MAGI1: variants seen among roughly 807,000 people sequenced by gnomAD.
The protein encoded by MAGI1 is membrane-associated guanylate kinase, WW and PDZ domain-containing protein 1.
MAGI1 carries 58 observed loss-of-function variants against 139.9 expected under a neutral mutation model. The observed-to-expected ratio is 0.41, with a 90% confidence interval of 0.34 to 0.52. MAGI1 has a LOEUF of 0.52. Among genes scored for constraint, MAGI1 ranks in the 20% least tolerant of loss-of-function variants. The pLI, the probability that MAGI1 is intolerant of heterozygous loss-of-function variation, is 0.12. For synonymous variants in MAGI1, 812 were observed against 737.9 expected (o/e 1.10, Z -1.63); for missense variants, 1,874 against 1,901.6 (o/e 0.99, Z 0.27).
chr3:65,975,478 G>A (rs1468767657), intron 1 of MAGI1, among the ~76,000 whole-genome samples: 3 of 151,898 alleles, frequency 2.0e-5, no homozygotes, highest in Admixed American at 1.3e-4. Context: ...TTTTTAGGCC[G>A]GGCACAGTGG....
chr3:65,425,136 AAAAAAAC>A, intron 12 of MAGI1, among the ~76,000 whole-genome samples: 1 of 74,438 alleles, frequency 1.3e-5, no homozygotes, highest in Non-Finnish European at 2.6e-5. Context: ...AAAAAAACAA[AAAAAAAC>A]ACACATGCCT....
chr3:65,436,016 T>C (rs1298793498), intron 10 of MAGI1, among the ~76,000 whole-genome samples: 5 of 152,194 alleles, frequency 3.3e-5, no homozygotes, highest in African/African-American at 1.2e-4. Context: ...TCCACAGTCA[T>C]GTTGATACTA....
chr3:66,009,463 C>G (rs1344138874), intron 1 of MAGI1, among the ~76,000 whole-genome samples: 2 of 152,050 alleles, frequency 1.3e-5, no homozygotes, highest in Non-Finnish European at 2.9e-5. Context: ...TGAGCCAAGA[C>G]CATGCCACTG....
chr3:65,458,051 C>T (rs373675498), intron 5 of MAGI1, among the ~76,000 whole-genome samples: 13 of 152,214 alleles, frequency 8.5e-5, no homozygotes, highest in African/African-American at 2.9e-4. Flanking sequence ...ACATGTGAAG[C>T]TTGCCTTTCA....
chr3:65,459,676 A>C (rs1312192984), intron 5 of MAGI1, among the ~76,000 whole-genome samples: 1 of 152,180 alleles, frequency 6.6e-6, no homozygotes, highest in Non-Finnish European at 1.5e-5. Flanking sequence ...ACAGCTCAGC[A>C]CTTTGGGTGG....
intron 2 of MAGI1, among the ~76,000 whole-genome samples, chr3:65,581,692 T>G (rs1164807742): frequency 6.6e-6 from 1 of 152,192 alleles, no homozygotes; most frequent in East Asian, 1.9e-4. Flanking sequence ...TAAGCCCTAC[T>G]GAAACCTGCC....
chr3:65,751,327 C>G (rs1379085968), intron 1 of MAGI1, among the ~76,000 whole-genome samples: 1 of 152,198 alleles, frequency 6.6e-6, no homozygotes, highest in Admixed American at 6.5e-5. Flanking sequence ...ACAGAAAGAG[C>G]CTGAGAAATG....
chr3:66,006,965 G>C (rs1430334635), intron 1 of MAGI1, among the ~76,000 whole-genome samples: 1 of 152,008 alleles, frequency 6.6e-6, no homozygotes, highest in Non-Finnish European at 1.5e-5. Context: ...CAAGTAGCTA[G>C]AACTACAGGT....
intron 1 of MAGI1, among the ~76,000 whole-genome samples, chr3:65,930,223 G>A (rs2062735536): frequency 6.7e-6 from 1 of 149,694 alleles, no homozygotes; most frequent in African/African-American, 2.4e-5. Flanking sequence ...GGCTGAGGCA[G>A]GAGAATGACG....
At chr3:65,598,264 G>A (rs1390345708) in intron 2 of MAGI1, among the ~76,000 whole-genome samples, 1 of 152,196 alleles carries the variant, frequency 6.6e-6, no homozygotes, top group African/African-American at 2.4e-5. Flanking sequence ...CTGCTGGGGC[G>A]TGTCAGGTCC....
At chr3:65,450,693 G>T (rs961406733) in intron 6 of MAGI1, among the ~76,000 whole-genome samples, 8 of 152,170 alleles carry the variant, frequency 5.3e-5, no homozygotes, top group Non-Finnish European at 1.0e-4. Flanking sequence ...GGACACAGCA[G>T]TGACAGAAGG....
chr3:65,748,890 G>C (rs72908231), intron 1 of MAGI1, among the ~76,000 whole-genome samples: 6,611 of 152,176 alleles, frequency 0.043, 489 homozygotes, highest in African/African-American at 0.15. Context: ...CAAAAGGGCA[G>C]AAACAACACA....
intron 1 of MAGI1, among the ~76,000 whole-genome samples, chr3:65,655,376 G>C (rs943053845): frequency 3.9e-5 from 6 of 152,144 alleles, no homozygotes; most frequent in African/African-American, 1.4e-4. Flanking sequence ...TTATGGTACA[G>C]ATTATTACAT....
At chr3:65,609,785 C>T in intron 2 of MAGI1, 1 of 344,636 alleles carries the variant, frequency 2.9e-6, no homozygotes, top group South Asian at 2.4e-5. Context: ...CAATGTTGCC[C>T]AGGCTGGTCT....
At chr3:65,409,416 G>A (rs1945604854) in intron 12 of MAGI1, among the ~76,000 whole-genome samples, 1 of 152,092 alleles carries the variant, frequency 6.6e-6, no homozygotes, top group South Asian at 2.1e-4. Flanking sequence ...GTGGGGGAGT[G>A]GGTGGAAGCA....
intron 1 of MAGI1, among the ~76,000 whole-genome samples, chr3:65,830,769 T>C (rs1016159387): frequency 2.0e-5 from 3 of 152,152 alleles, no homozygotes; most frequent in African/African-American, 7.2e-5. Context: ...ATACCCTCCA[T>C]GTTTTCAGTA....
chr3:65,843,120 A>C lies in MAGI1; in HGVS notation c.313+194876T>G, dbSNP rs116773424. On this transcript the variant is annotated intron_variant, in intron 1 of 22. Coordinates refer to ENST00000402939, the MANE Select transcript of MAGI1 (RefSeq NM_001033057.2). ...TGGCTTATTGACTCAATTCTAATAA[A>C]AAGAATTGATCAAAAGTGATGGATG... Among the ~76,000 whole-genome samples the C allele has an allele frequency of 8.4e-3, 1,277 of 152,334 alleles. 21 individuals are homozygous for C. The highest frequency in any genetic ancestry group is 0.029 in the African/African-American group (1,204 of 41,584).
chr3:65,462,014 G>A (rs1368711890), intron 5 of MAGI1, among the ~76,000 whole-genome samples: 3 of 152,096 alleles, frequency 2.0e-5, no homozygotes, highest in Non-Finnish European at 4.4e-5. Context: ...GTAGATGCTG[G>A]ATGTTAGCCC....
In MAGI1 at chr3:65,696,033, T is replaced by A. The variant is rs74965880; in HGVS notation, c.314-73945A>T. ...CAACAGCTCCTCTTCTCACTCAAGATAAAATCCAATGGCCAGTCACCGTCC... is the reference window on the plus strand; with the variant it reads ...CAACAGCTCCTCTTCTCACTCAAGAAAAAATCCAATGGCCAGTCACCGTCC... On this transcript the variant is annotated intron_variant, in intron 1 of 22. Transcript: ENST00000402939. 5.1e-3 allele frequency among the ~76,000 whole-genome samples: 778 copies of A among 152,308 alleles called. 4 individuals carry two copies. Among genetic ancestry groups the A allele is most frequent in the African/African-American group, 0.018 (738 of 41,578 alleles).
Sources: gnomAD v4.1 joint callset for allele counts (sites outside exome capture counted in the v4.1 genomes callset) on GRCh38, gnomAD v4.1.1 for gene constraint, MANE v1.5 for transcripts, NCBI Gene and HGNC (gene_info 2026-07-23, HGNC 2026-07-21) for gene names.